TTLL5: variants seen among roughly 807,000 people sequenced by gnomAD.
TTLL5 encodes the protein tubulin tyrosine ligase like 5.
In TTLL5, 132 loss-of-function variants were observed where a neutral mutation model predicts 168.4. The ratio of observed to expected loss-of-function variants is 0.78; its 90% confidence interval spans 0.68 to 0.91. The LOEUF (loss-of-function observed/expected upper bound fraction) is 0.91, where lower values mean the gene tolerates loss of function less well. TTLL5 is among the 40% of genes least tolerant of loss of function. The pLI is 0.00. For missense variants in TTLL5, 1,545 were observed against 1,581.5 expected (o/e 0.98, Z 0.39); for synonymous variants, 546 against 558.6 (o/e 0.98, Z 0.32).
At position 75,663,158 on chromosome 14, in the gene TTLL5, CG is replaced by C; in HGVS notation, c.10del (p.Val4Ter). On this transcript the variant is annotated frameshift_variant, in exon 2 of 32. Transcript: ENST00000298832. LOFTEE classifies it high-confidence loss of function. Reference protein sequence around the residue: MPIVMARDLEETAS... With the variant: MPIXMARDLEETAS... The stretch of plus-strand genomic sequence containing the variant: ...GACAAACCCTAAAGGAAATGCCAAT[CG>C]TGATGGCCCGGGACCTGGAGGAAAC... The C allele has an allele frequency of 6.2e-7, 1 of 1,613,624 alleles. No homozygotes were observed. The highest frequency in any genetic ancestry group is 1.6e-4 in the Middle Eastern group (1 of 6,062).
intron 9 of TTLL5, among the ~76,000 whole-genome samples, chr14:75,717,564 T>C (rs1251393258): frequency 2.0e-5 from 3 of 152,238 alleles, no homozygotes; most frequent in African/African-American, 7.2e-5. Flanking sequence ...TGTGATTAAG[T>C]CCATGGGTTT....
intron 6 of TTLL5, among the ~76,000 whole-genome samples, chr14:75,690,546 A>G (rs1353860951): frequency 6.6e-6 from 1 of 152,168 alleles, no homozygotes; most frequent in East Asian, 1.9e-4. Flanking sequence ...CTGGCATCAT[A>G]TAAGCATGCC....
chr14:75,669,969 T>G (rs1345078924), intron 3 of TTLL5, among the ~76,000 whole-genome samples: 1 of 152,240 alleles, frequency 6.6e-6, no homozygotes, highest in African/African-American at 2.4e-5. Context: ...TTTTATAGAT[T>G]CCCATATTCT....
chr14:75,794,382 TTA>T (rs1405607363), intron 27 of TTLL5, among the ~76,000 whole-genome samples: 2 of 151,706 alleles, frequency 1.3e-5, no homozygotes, highest in South Asian at 2.1e-4. Context: ...ACTAACTAGA[TTA>T]TATGTTTCCG....
At chr14:75,732,055 A>G (rs1888584541) in intron 12 of TTLL5, 1 of 222,066 alleles carries the variant, frequency 4.5e-6, no homozygotes, top group Non-Finnish European at 8.5e-6. Flanking sequence ...CTTGTTAACT[A>G]TTCTAGAGTC....
chr14:75,848,027 ATATCTT>A (rs1483199584), intron 28 of TTLL5, among the ~76,000 whole-genome samples: 1 of 151,592 alleles, frequency 6.6e-6, no homozygotes, highest in Non-Finnish European at 1.5e-5. Flanking sequence ...TTTTATAAAA[ATATCTT>A]TATAAAGAAA....
chr14:75,821,454 A>T (rs1283480835), intron 28 of TTLL5, among the ~76,000 whole-genome samples: 5 of 152,208 alleles, frequency 3.3e-5, no homozygotes, highest in African/African-American at 9.6e-5. Context: ...TTCATTTTAA[A>T]TTCAGAGCCT....
At chr14:75,781,595 T>C (rs762813031) in intron 24 of TTLL5, among the ~76,000 whole-genome samples, 1 of 152,196 alleles carries the variant, frequency 6.6e-6, no homozygotes, top group African/African-American at 2.4e-5. Flanking sequence ...AAATTAGTTA[T>C]TAATGTCAAA....
intron 28 of TTLL5, among the ~76,000 whole-genome samples, chr14:75,843,230 G>A (rs1896351803): frequency 6.6e-6 from 1 of 152,194 alleles, no homozygotes; most frequent in African/African-American, 2.4e-5. Context: ...CAGTGTGGAA[G>A]TGCATGCACT....
intron 30 of TTLL5, among the ~76,000 whole-genome samples, chr14:75,888,701 C>T (rs1035997142): frequency 3.3e-5 from 5 of 152,058 alleles, no homozygotes; most frequent in Admixed American, 2.6e-4. Context: ...TTTGGGAGGC[C>T]GAGGCGGGTG....
intron 29 of TTLL5, among the ~76,000 whole-genome samples, chr14:75,869,187 A>G (rs779157912): frequency 6.6e-6 from 1 of 151,990 alleles, no homozygotes; most frequent in African/African-American, 2.4e-5. Context: ...AGGAACTCAT[A>G]CTTAGTGTCT....
At chr14:75,725,660 C>T (rs1282885267) in intron 12 of TTLL5, among the ~76,000 whole-genome samples, 1 of 152,134 alleles carries the variant, frequency 6.6e-6, no homozygotes, top group Non-Finnish European at 1.5e-5. Flanking sequence ...TGAGTCCGGC[C>T]ACTTTTGGCA....
chr14:75,802,426 A>G (rs1299439218), intron 27 of TTLL5, among the ~76,000 whole-genome samples: 1 of 152,224 alleles, frequency 6.6e-6, no homozygotes, highest in Non-Finnish European at 1.5e-5. Context: ...AGCAAAGTTG[A>G]ATTTAAATTA....
At chr14:75,847,692 A>G (rs1896623795) in intron 28 of TTLL5, 1 of 152,034 alleles carries the variant, frequency 6.6e-6, no homozygotes, top group Admixed American at 6.5e-5. Flanking sequence ...CAGTTGATGA[A>G]AGGCAGTCAG....
intron 31 of TTLL5, among the ~76,000 whole-genome samples, chr14:75,945,621 T>C (rs942430817): frequency 2.6e-5 from 4 of 151,486 alleles, no homozygotes; most frequent in African/African-American, 7.3e-5. Flanking sequence ...AAATAAATGA[T>C]TGGGAATGCA....
intron 31 of TTLL5, among the ~76,000 whole-genome samples, chr14:75,908,984 C>T (rs919031588): frequency 7.9e-5 from 12 of 151,752 alleles, no homozygotes; most frequent in African/African-American, 2.9e-4. Context: ...TGCCATATTG[C>T]CCAGGCTGGT....
intron 24 of TTLL5, 71 bp from the exon 25 acceptor site, chr14:75,782,416 A>G (rs1358515831): frequency 1.6e-6 from 2 of 1,225,710 alleles, no homozygotes; most frequent in African/African-American, 3.1e-5. Flanking sequence ...TTTTGGGAAT[A>G]AAATTATGTA....
intron 12 of TTLL5, among the ~76,000 whole-genome samples, chr14:75,726,218 C>CT (rs1450698099): frequency 6.6e-6 from 1 of 152,104 alleles, no homozygotes; most frequent in African/African-American, 2.4e-5. Flanking sequence ...TCTCCCTAAA[C>CT]TAACTTTTAT....
intron 28 of TTLL5, among the ~76,000 whole-genome samples, chr14:75,850,578 C>T (rs1896792470): frequency 6.6e-6 from 1 of 151,880 alleles, no homozygotes; most frequent in South Asian, 2.1e-4. Flanking sequence ...ATGCTAGGCA[C>T]TTAGGTAGGT....
Sources: gnomAD v4.1 joint callset for allele counts (sites outside exome capture counted in the v4.1 genomes callset) on GRCh38, gnomAD v4.1.1 for gene constraint, MANE v1.5 for transcripts, NCBI Gene and HGNC (gene_info 2026-07-23, HGNC 2026-07-21) for gene names.